The following F13A1 variants were observed in gnomAD, a reference collection of about 807,000 sequenced individuals.
The protein encoded by F13A1 is FSF, A subunit.
F13A1 carries 47 observed loss-of-function variants against 80.1 expected under a neutral mutation model. The observed-to-expected ratio is 0.59, with a 90% CI of 0.46 to 0.75. F13A1 has a LOEUF of 0.75. Among genes scored for constraint, F13A1 ranks in the 30% least tolerant of loss-of-function variants. The pLI is 0.00. For synonymous variants in F13A1, 349 were observed against 344.9 expected (o/e 1.01, Z -0.13); for missense variants, 817 against 930.4 (o/e 0.88, Z 1.59).
chr6:6,195,762 A>AG, intron 10 of F13A1, 35 bp downstream of exon 10: 1 of 1,589,442 alleles, frequency 6.3e-7, no homozygotes, highest in Non-Finnish European at 8.6e-7. Flanking sequence ...GAGGTTGGGG[A>AG]GAAAAACAGC....
chr6:6,303,521 C>A lies in F13A1; in HGVS notation c.319+1830G>T, dbSNP rs575691606. ...TTCAAGCTAATTAACATATTCATTC[C>A]TTCACATACCATTTCTTTGTGGTGA... On this transcript the variant is annotated intron_variant, in intron 3 of 14. Coordinates refer to ENST00000264870, the MANE Select transcript of F13A1 (RefSeq NM_000129.4). 2.0e-5 allele frequency among the ~76,000 whole-genome samples: 3 copies of A among 152,216 alleles called. 1 individual carries two copies. The South Asian group carries it at 6.2e-4, about 32-fold the overall frequency.
intron 10 of F13A1, among the ~76,000 whole-genome samples, chr6:6,185,671 G>T (rs911436482): frequency 1.3e-5 from 2 of 151,722 alleles, no homozygotes; most frequent in African/African-American, 4.8e-5. Context: ...GAATAATGCC[G>T]CAATAAACAT....
intron 3 of F13A1, among the ~76,000 whole-genome samples, chr6:6,300,628 T>A (rs112876881): frequency 6.6e-6 from 1 of 152,024 alleles, no homozygotes; most frequent in Non-Finnish European, 1.5e-5. Flanking sequence ...ACCCACTGAC[T>A]TGTGCCCACT....
chr6:6,151,272 A>T (rs1260673540), intron 14 of F13A1, among the ~76,000 whole-genome samples: 1 of 143,958 alleles, frequency 6.9e-6, no homozygotes, highest in Admixed American at 6.9e-5. Flanking sequence ...CTTTAGGCTC[A>T]ACTAAAAAAA....
At chr6:6,265,333 C>G (rs1277682470) in intron 4 of F13A1, among the ~76,000 whole-genome samples, 1 of 152,136 alleles carries the variant, frequency 6.6e-6, no homozygotes, top group Non-Finnish European at 1.5e-5. Flanking sequence ...AAGTCTCCTG[C>G]CCCATGTGAG....
At chr6:6,185,358 C>T (rs1761061067) in intron 10 of F13A1, among the ~76,000 whole-genome samples, 1 of 142,690 alleles carries the variant, frequency 7.0e-6, no homozygotes, top group South Asian at 2.4e-4. Flanking sequence ...TGTTCAATTC[C>T]CACCTATGAG....
intron 8 of F13A1, among the ~76,000 whole-genome samples, chr6:6,199,350 C>T (rs1265866298): frequency 3.3e-5 from 5 of 152,114 alleles, no homozygotes; most frequent in African/African-American, 9.6e-5. Flanking sequence ...ATTAGCTGGG[C>T]GTGGTGGCGG....
chr6:6,148,429 C>T (rs934079252), intron 14 of F13A1, among the ~76,000 whole-genome samples: 9 of 152,192 alleles, frequency 5.9e-5, no homozygotes, highest in African/African-American at 2.2e-4. Context: ...CTAGACACCA[C>T]ATCTGGCAGG....
At chr6:6,288,835 T>C (rs1758172920) in intron 3 of F13A1, among the ~76,000 whole-genome samples, 1 of 152,242 alleles carries the variant, frequency 6.6e-6, no homozygotes, top group Non-Finnish European at 1.5e-5. Flanking sequence ...TCTTTGGTAG[T>C]AACCATTCTA....
Position 6,255,556 on chromosome 6 carries a change from A to AGAATG in F13A1, c.572-4632_572-4628dup, listed in dbSNP as rs376826056. On this transcript the variant is annotated intron_variant, in intron 4 of 14. Coordinates refer to ENST00000264870, the MANE Select transcript of F13A1 (RefSeq NM_000129.4). Reference sequence around the variant, plus strand: ...AGGAAATCAATCAATGTGTACTGAAAGAATGAGAGATGGGGAAGATGTCTG... The same window carrying AGAATG: ...AGGAAATCAATCAATGTGTACTGAAAGAATGGAATGAGAGATGGGGAAGATGTCTG... Among the ~76,000 whole-genome samples the AGAATG allele has an allele frequency of 7.3e-3, 1,119 of 152,264 alleles. 8 individuals are homozygous for AGAATG. The highest frequency in any genetic ancestry group is 0.026 in the African/African-American group (1,066 of 41,512).
chr6:6,157,647 G>A lies in F13A1; in HGVS notation c.1909-5698C>T, dbSNP rs561852441. Among the ~76,000 whole-genome samples the A allele has an allele frequency of 4.6e-5, 7 of 152,226 alleles. No homozygotes were observed. In the South Asian group the frequency reaches 1.5e-3, roughly 32 times the overall value. On this transcript the variant is annotated intron_variant, in intron 13 of 14. Coordinates refer to ENST00000264870, the MANE Select transcript of F13A1 (RefSeq NM_000129.4). ...TCTATGCCAGAGTAAAATGTGACAAGGTAGCCTTGGGGCCTTGATATATAT... is the reference window on the plus strand; with the variant it reads ...TCTATGCCAGAGTAAAATGTGACAAAGTAGCCTTGGGGCCTTGATATATAT...
intron 6 of F13A1, among the ~76,000 whole-genome samples, chr6:6,230,009 A>G (rs1344744959): frequency 1.3e-5 from 2 of 152,194 alleles, no homozygotes; most frequent in Non-Finnish European, 2.9e-5. Flanking sequence ...AAAGGTGGAC[A>G]GAGGAGCAGA....
rs143313903 is a variant in F13A1, at chr6:6,269,874, C to T, written c.320-3065G>A. On this transcript the variant is annotated intron_variant, in intron 3 of 14. Coordinates refer to ENST00000264870, the MANE Select transcript of F13A1 (RefSeq NM_000129.4). The stretch of plus-strand genomic sequence containing the variant: ...GATTACAGGCGCCCACCATCACGCC[C>T]GGCTAATTTTTGTATTTTTAGTAGA... 9.5e-4 allele frequency among the ~76,000 whole-genome samples: 145 copies of T among 152,032 alleles called. 1 individual carries two copies. The East Asian group carries it at 0.015, about 15-fold the overall frequency.
At chr6:6,265,140 T>C (rs1472532146) in intron 4 of F13A1, among the ~76,000 whole-genome samples, 1 of 152,192 alleles carries the variant, frequency 6.6e-6, no homozygotes, top group South Asian at 2.1e-4. Flanking sequence ...AAAAGATCAG[T>C]AGGACCAAGG....
chr6:6,300,588 G>A (rs562083821), intron 3 of F13A1, among the ~76,000 whole-genome samples: 132 of 152,156 alleles, frequency 8.7e-4, no homozygotes, highest in African/African-American at 3.0e-3. Flanking sequence ...GCAATGCCTC[G>A]CCCTGCTTCG....
rs75942416 is a variant in F13A1 at position 6,198,244 on chromosome 6, TTTGAATATGACCCTGGAAGC to T, written c.1113-938_1113-919del. 2.9e-4 allele frequency among the ~76,000 whole-genome samples: 44 copies of T among 152,248 alleles called. No homozygotes were observed. In the East Asian group the frequency reaches 7.5e-3, roughly 26 times the overall value. On this transcript the variant is annotated intron_variant, in intron 8 of 14. Coordinates refer to ENST00000264870, the MANE Select transcript of F13A1 (RefSeq NM_000129.4). ...AGGGTCATGGAAAACTTCTCAGAAA[TTTGAATATGACCCTGGAAGC>T]AAGAGCATGGAATAAAATGCCATCA...
In F13A1 at chr6:6,241,043, C is replaced by T. The variant is rs377179284; in HGVS notation, c.798+7269G>A. ...CCGAGAGCTCCTACTAATTGATATG[C>T]GTTACAATTGGAAAGGTTGCAAGGA... On this transcript the variant is annotated intron_variant, in intron 6 of 14. Transcript: ENST00000264870. 3.9e-5 allele frequency among the ~76,000 whole-genome samples: 6 copies of T among 152,104 alleles called. No individual in the cohort carries two copies. In the East Asian group the frequency reaches 7.7e-4, roughly 20 times the overall value.
At chr6:6,252,872 A>G (rs1310071643) in intron 4 of F13A1, among the ~76,000 whole-genome samples, 1 of 152,186 alleles carries the variant, frequency 6.6e-6, no homozygotes, top group Non-Finnish European at 1.5e-5. Flanking sequence ...GAAAGAAAAC[A>G]GCCAGGCAGG....
chr6:6,298,592 A>G (rs1234899818), intron 3 of F13A1, among the ~76,000 whole-genome samples: 1 of 148,110 alleles, frequency 6.8e-6, no homozygotes, highest in Non-Finnish European at 1.5e-5. Context: ...TTTGTTTTCC[A>G]TTTGCTTGGT....
Sources: gnomAD v4.1 joint callset for allele counts (sites outside exome capture counted in the v4.1 genomes callset) on GRCh38, gnomAD v4.1.1 for gene constraint, MANE v1.5 for transcripts, NCBI Gene and HGNC (gene_info 2026-07-23, HGNC 2026-07-21) for gene names.